MOBP: variants seen among roughly 807,000 people sequenced by gnomAD.
The protein encoded by MOBP is myelin associated oligodendrocyte basic protein.
MOBP carries 5 observed loss-of-function variants against 15.0 expected under a neutral mutation model. The ratio of observed to expected loss-of-function variants is 0.33; its 90% CI spans 0.17 to 0.70. The LOEUF (loss-of-function observed/expected upper bound fraction) is 0.70. Ranked by LOEUF, MOBP falls within the 30% of genes least tolerant of loss-of-function variation. The probability of loss-of-function intolerance (pLI) is 0.67; values close to 1 mark genes in which losing one functional copy is unlikely to be tolerated. For missense variants in MOBP, 188 were observed against 257.8 expected, an observed-to-expected ratio of 0.73 and a Z score of 1.85; for synonymous variants, 88 against 99.0, an observed-to-expected ratio of 0.89 and a Z score of 0.66.
In MOBP at chr3:39,513,542, G is replaced by C. The variant is rs192733801; in HGVS notation, c.*159G>C. 13 of 1,032,236 alleles carry C rather than the reference G, an allele frequency of 1.3e-5. No individual in the cohort carries two copies. In the East Asian group the frequency reaches 3.3e-4, roughly 26 times the overall value. 63.9% of individuals were successfully genotyped at this position (1,032,236 alleles called of 1,614,324 possible). On this transcript the variant is annotated 3_prime_UTR_variant, in exon 5 of 5. Transcript: ENST00000311042. ...TATTATGCAGGGGCAAACACCTGCT[G>C]ATGTGGCAACTGCTGATGCTCATGG...
At chr3:39,520,244 T>C (rs2125674695), downstream of MOBP, among the ~76,000 whole-genome samples, 1 of 152,322 alleles carries the variant, frequency 6.6e-6, no homozygotes, top group Admixed American at 6.5e-5. Context: ...GTCTCTCTAA[T>C]TCCCAAATGG....
At chr3:39,481,978 C>T (rs2042634963) in intron 2 of MOBP, among the ~76,000 whole-genome samples, 1 of 152,190 alleles carries the variant, frequency 6.6e-6, no homozygotes, top group African/African-American at 2.4e-5. Context: ...GCTTCAATTG[C>T]TACCTATACT....
intron 1 of MOBP, among the ~76,000 whole-genome samples, chr3:39,471,819 T>C (rs1177599339): frequency 6.6e-6 from 1 of 152,208 alleles, no homozygotes; most frequent in Non-Finnish European, 1.5e-5. Flanking sequence ...TACTGAGATA[T>C]AGACACCACA....
chr3:39,499,304 A>G (rs989716465), intron 2 of MOBP, among the ~76,000 whole-genome samples: 14 of 152,204 alleles, frequency 9.2e-5, no homozygotes, highest in African/African-American at 3.1e-4. Flanking sequence ...ATCTGACCCT[A>G]TAAGTCAGCT....
chr3:39,474,251 A>C (rs951466168), intron 1 of MOBP, among the ~76,000 whole-genome samples: 5 of 152,220 alleles, frequency 3.3e-5, no homozygotes, highest in Non-Finnish European at 5.9e-5. Flanking sequence ...CAAATTACTC[A>C]AATTCCAATC....
downstream of MOBP, among the ~76,000 whole-genome samples, chr3:39,504,722 C>T (rs1414560211): frequency 6.6e-6 from 1 of 152,222 alleles, no homozygotes; most frequent in Non-Finnish European, 1.5e-5. Context: ...ACTTCTTCAT[C>T]ATATTGTCTA....
At chr3:39,483,825 T>C (rs1278909097) in intron 2 of MOBP, among the ~76,000 whole-genome samples, 3 of 152,220 alleles carry the variant, frequency 2.0e-5, no homozygotes, top group African/African-American at 4.8e-5. Flanking sequence ...ATGCTTTCTA[T>C]GGAGAGACAA....
At chr3:39,519,463 C>T (rs1246085927), downstream of MOBP, among the ~76,000 whole-genome samples, 3 of 149,122 alleles carry the variant, frequency 2.0e-5, no homozygotes, top group African/African-American at 4.9e-5. Context: ...CAGCTGATGC[C>T]TTGCTGACAC....
chr3:39,515,596 CTTCT>C (rs2043191162), exon 5 of MOBP: 1 of 152,114 alleles, frequency 6.6e-6, no homozygotes, highest in Non-Finnish European at 1.5e-5. Context: ...ACTTTCTTGC[CTTCT>C]TTCTATTTTT....
At chr3:39,482,850 T>C (rs546730035) in intron 2 of MOBP, among the ~76,000 whole-genome samples, 2 of 152,180 alleles carry the variant, frequency 1.3e-5, no homozygotes, top group South Asian at 4.1e-4. Context: ...GCACTGGCCT[T>C]GTCCTAAGTC....
At chr3:39,489,138 C>T (rs1225216129) in intron 2 of MOBP, among the ~76,000 whole-genome samples, 1 of 152,176 alleles carries the variant, frequency 6.6e-6, no homozygotes, top group African/African-American at 2.4e-5. Flanking sequence ...ACTGTTTCCT[C>T]CCTCATGTAT....
chr3:39,487,518 CT>C (rs1216386382), intron 2 of MOBP, among the ~76,000 whole-genome samples: 163 of 102,448 alleles, frequency 1.6e-3, no homozygotes, highest in African/African-American at 3.7e-3. Context: ...AATTTTCTTT[CT>C]TTTTTTTTTT....
chr3:39,514,894 G>C (rs149440136), exon 5 of MOBP: 1 of 152,352 alleles, frequency 6.6e-6, no homozygotes, highest in Non-Finnish European at 1.5e-5. Context: ...ACATGCTGTG[G>C]GGAGGGAGTT....
chr3:39,490,540 A>G lies in MOBP; in HGVS notation c.-5+10417A>G, dbSNP rs141123341. 6.2e-3 allele frequency among the ~76,000 whole-genome samples: 943 copies of G among 152,234 alleles called. 12 individuals carry two copies. Among genetic ancestry groups the G allele is most frequent in the Admixed American group, 0.021 (323 of 15,280 alleles). On this transcript the variant is annotated intron_variant, in intron 2 of 3. Coordinates refer to ENST00000684792, the MANE Select transcript of MOBP (RefSeq NM_001393704.1). ...CCAGATTATGAAAATTGTAATTCCCAGTTGTTTCCATCTCTTCCTTACAAT... is the reference window on the plus strand; with the variant it reads ...CCAGATTATGAAAATTGTAATTCCCGGTTGTTTCCATCTCTTCCTTACAAT...
chr3:39,513,529 G>C, exon 5 of MOBP: 3 of 1,141,120 alleles, frequency 2.6e-6, no homozygotes, highest in Non-Finnish European at 3.9e-6. Context: ...TTATGCAGGG[G>C]CAAACACCTG....
At chr3:39,519,768 T>G (rs2043243788), downstream of MOBP, among the ~76,000 whole-genome samples, 2 of 152,170 alleles carry the variant, frequency 1.3e-5, no homozygotes, top group South Asian at 4.1e-4. Flanking sequence ...TTATCTGATT[T>G]GCTCACTGCC....
At chr3:39,525,115 T>G (rs1350603305), downstream of MOBP, 2 of 151,918 alleles carry the variant, frequency 1.3e-5, no homozygotes, top group African/African-American at 4.8e-5. Flanking sequence ...ACTATCCTTT[T>G]GGAAAAAAAA....
At chr3:39,513,554 G>A in exon 5 of MOBP, 1 of 921,278 alleles carries the variant, frequency 1.1e-6, no homozygotes, top group Non-Finnish European at 1.7e-6. Flanking sequence ...TGTGGCAACT[G>A]CTGATGCTCA....
chr3:39,482,534 C>T (rs2042642937), intron 2 of MOBP, among the ~76,000 whole-genome samples: 1 of 151,792 alleles, frequency 6.6e-6, no homozygotes, highest in East Asian at 1.9e-4. Context: ...CACCTGTGGT[C>T]CCACCTACTT....
Sources: allele counts gnomAD v4.1 joint callset (sites outside exome capture counted in the v4.1 genomes callset), GRCh38; gene constraint gnomAD v4.1.1; transcripts MANE v1.5; gene names NCBI Gene and HGNC (gene_info 2026-07-23, HGNC 2026-07-21).